Variants in PHKA1 observed in about 807,000 individuals in gnomAD.
PHKA1 encodes the protein phosphorylase b kinase regulatory subunit alpha, skeletal muscle isoform.
PHKA1 carries 60 observed loss-of-function variants against 110.2 expected under a neutral mutation model. That is an observed-to-expected ratio of 0.54 (90% CI 0.44 to 0.68). PHKA1 has a LOEUF of 0.68. Ranked by LOEUF, PHKA1 falls within the 30% of genes least tolerant of loss-of-function variation. The pLI is 0.00. For missense variants in PHKA1, 801 were observed against 942.5 expected, an observed-to-expected ratio of 0.85 and a Z score of 1.97; for synonymous variants, 316 against 333.6, an observed-to-expected ratio of 0.95 and a Z score of 0.58.
chrX:72,705,137 A>T (rs782504325), intron 3 of PHKA1, 61 bp downstream of exon 3: 1 of 840,009 alleles, frequency 1.2e-6, no homozygotes, highest in Admixed American at 2.3e-5. Flanking sequence ...CATTCCCTAA[A>T]GGGTAGAGAT....
chrX:72,657,728 T>C lies in PHKA1; in HGVS notation c.865-87A>G. 8.5e-6 allele frequency: 6 copies of C among 709,410 alleles called. No homozygotes were observed. The Admixed American group carries it at 1.2e-4, about 14-fold the overall frequency. 58.5% of individuals were successfully genotyped at this position (709,410 alleles called of 1,213,427 possible). A position where few individuals can be genotyped will look rare whatever the true frequency, so the allele number is the denominator to read the frequency against. ...GAAATACATCCTTGCAACATCTATA[T>C]GTACCACCAACCTATCACCGATAAA... On this transcript the variant is annotated intron_variant, in intron 8 of 31. Coordinates refer to ENST00000373542, the MANE Select transcript of PHKA1 (RefSeq NM_002637.4).
At position 72,695,571 on chromosome X, in the gene PHKA1, A is replaced by G; in HGVS notation, c.454+137T>C. ...CTTCTTTGCCATCTCATGATATCTG[A>G]GAATTAATAAATAATAAAAAATACC... is the stretch of plus-strand genomic sequence containing the variant. On this transcript the variant is annotated intron_variant, in intron 4 of 31. Transcript: ENST00000373542. The G allele has an allele frequency of 5.0e-6, 3 of 598,603 alleles. No individual in the cohort carries two copies. The South Asian group carries it at 8.0e-5, about 16-fold the overall frequency. The allele number at this position is 598,603 out of a possible 1,213,427, so 49.3% of individuals were successfully genotyped here.
chrX:72,682,716 C>A (rs1278772277), intron 5 of PHKA1, among the ~76,000 whole-genome samples: 3 of 89,758 alleles, frequency 3.3e-5, no homozygotes, highest in Non-Finnish European at 6.6e-5. Flanking sequence ...TAAACAGATG[C>A]TTGAAGGCAG....
intron 28 of PHKA1, among the ~76,000 whole-genome samples, chrX:72,598,460 G>A (rs1235876873): frequency 9.0e-6 from 1 of 111,466 alleles, no homozygotes; most frequent in African/African-American, 3.3e-5. Context: ...TTCAGAATGC[G>A]ACACATAGTT....
chrX:72,587,721 T>C (rs2052454227), intron 29 of PHKA1, among the ~76,000 whole-genome samples: 2 of 110,537 alleles, frequency 1.8e-5, no homozygotes, highest in African/African-American at 6.6e-5. Flanking sequence ...AGGCTCAAAA[T>C]AAAGGGATAG....
intron 29 of PHKA1, among the ~76,000 whole-genome samples, chrX:72,589,433 T>C (rs906604575): frequency 7.2e-5 from 8 of 111,680 alleles, no homozygotes; most frequent in Non-Finnish European, 1.5e-4. Flanking sequence ...TATCTCAAAA[T>C]AATAAGAGCT....
intron 23 of PHKA1, 120 bp from the exon 24 acceptor site, chrX:72,605,739 A>G: frequency 1.8e-6 from 1 of 549,042 alleles, no homozygotes; most frequent in South Asian, 2.6e-5. Context: ...CATCATTACC[A>G]ATAGCATTCT....
intron 22 of PHKA1, 57 bp downstream of exon 22, chrX:72,610,971 C>A (rs782368511): frequency 1.0e-6 from 1 of 1,001,538 alleles, no homozygotes; most frequent in Admixed American, 2.3e-5. Flanking sequence ...TTATAGAAAC[C>A]AATTTTTAAA....
intron 7 of PHKA1, 56 bp from the exon 8 acceptor site, chrX:72,666,353 C>G: frequency 2.0e-6 from 2 of 997,799 alleles, no homozygotes; most frequent in Non-Finnish European, 2.8e-6. Context: ...TCCCTTTACC[C>G]CAATATCTTA....
At position 72,603,718 on chromosome X, in the gene PHKA1, T is replaced by C. The variant is rs781941178; in HGVS notation, c.2816-498A>G. On this transcript the variant is annotated intron_variant, in intron 25 of 31. Coordinates refer to ENST00000373542, the MANE Select transcript of PHKA1 (RefSeq NM_002637.4). Reference sequence around the variant, plus strand: ...ACACATTTATTAAAAGTAGACTACATGCAGGTCATCATTTTAAGTAACATT... The same window carrying C: ...ACACATTTATTAAAAGTAGACTACACGCAGGTCATCATTTTAAGTAACATT... Among the ~76,000 whole-genome samples the C allele has an allele frequency of 8.1e-5, 9 of 111,586 alleles. No individual in the cohort carries two copies. The East Asian group carries it at 1.7e-3, about 21-fold the overall frequency.
chrX:72,665,634 T>A (rs782299665), intron 8 of PHKA1, among the ~76,000 whole-genome samples: 3 of 111,876 alleles, frequency 2.7e-5, no homozygotes, highest in Non-Finnish European at 3.8e-5. Flanking sequence ...CTCAACAAAA[T>A]ACTGTCAAAA....
intron 18 of PHKA1, chrX:72,622,058 C>G (rs1682935768): frequency 1.3e-6 from 1 of 743,885 alleles, no homozygotes; most frequent in African/African-American, 2.3e-5. Flanking sequence ...TATTTTATGC[C>G]AAGACATCAT....
Position 72,712,856 on chromosome X carries a change from C to G in PHKA1, c.160G>C (p.Val54Leu). The G allele has an allele frequency of 8.3e-7, 1 of 1,210,608 alleles. No homozygotes were observed. Among genetic ancestry groups the G allele is most frequent in the Non-Finnish European group, 1.1e-6 (1 of 894,469 alleles). The change falls in exon 2 of 32, where the codon GTG becomes CTG. Residue 54 changes from valine to leucine, a missense_variant. This residue lies in a region of PHKA1 where 299 missense variants were observed against 423.3 expected (regional missense o/e 0.71). Coordinates refer to ENST00000373542, the MANE Select transcript of PHKA1 (RefSeq NM_002637.4). ...VRDNVYSILA[V>L]WGLGLAYRKN... ...CGATAGGCCAGGCCCAAACCCCACA[C>G]AGCCAAGATGCTGTACACATTATCT...
intron 16 of PHKA1, among the ~76,000 whole-genome samples, chrX:72,627,953 G>A (rs985885212): frequency 3.7e-5 from 4 of 108,555 alleles, no homozygotes; most frequent in African/African-American, 1.3e-4. Context: ...GAGTAGCTGG[G>A]ACTACAGGCG....
In PHKA1 at chrX:72,638,425, AT is replaced by A. The variant is rs1304426682; in HGVS notation, c.1460-2040del. Among the ~76,000 whole-genome samples the A allele has an allele frequency of 8.5e-5, 9 of 105,763 alleles. No individual in the cohort carries two copies. The East Asian group carries it at 8.8e-4, about 10-fold the overall frequency. The allele number at this position is 105,763 out of a possible 115,157, so 91.8% of individuals were successfully genotyped here. ...GAATAGAAGTCTGGGTGTCTGTTTT[AT>A]TTTTTTCTTTTGTCTTTTATTAATT... On this transcript the variant is annotated intron_variant, in intron 14 of 31. Transcript: ENST00000373542.
chrX:72,709,217 CA>C (rs1362683617), intron 2 of PHKA1, among the ~76,000 whole-genome samples: 1 of 110,682 alleles, frequency 9.0e-6, no homozygotes, highest in Non-Finnish European at 1.9e-5. Flanking sequence ...AAACTTAGCA[CA>C]AAGAACTGGA....
Position 72,707,492 on chromosome X carries a change from C to T in PHKA1, c.238-2247G>A, listed in dbSNP as rs915265630. ...TACTTGCTTATATATCTGTCTCCCC[C>T]ATCAGACAATGAACTCCCTGAGAAA... On this transcript the variant is annotated intron_variant, in intron 2 of 31. Transcript: ENST00000373542. 1.4e-4 allele frequency among the ~76,000 whole-genome samples: 15 copies of T among 110,707 alleles called. 1 individual carries two copies. The highest frequency in any genetic ancestry group is 1.9e-4 in the Non-Finnish European group (10 of 53,145).
intron 8 of PHKA1, among the ~76,000 whole-genome samples, chrX:72,664,912 CA>C (rs1233241096): frequency 9.0e-6 from 1 of 110,649 alleles, no homozygotes; most frequent in Non-Finnish European, 1.9e-5. Context: ...TGGGATACAG[CA>C]AAAGCAGTAC....
chrX:72,625,754 C>T (rs1189849964), intron 17 of PHKA1, among the ~76,000 whole-genome samples: 1 of 111,623 alleles, frequency 9.0e-6, no homozygotes, highest in Non-Finnish European at 1.9e-5. Flanking sequence ...CAACTTCCGC[C>T]TCCCAGGTTC....
Sources: allele counts gnomAD v4.1 joint callset (sites outside exome capture counted in the v4.1 genomes callset), GRCh38; gene constraint gnomAD v4.1.1; regional missense constraint gnomAD v4.1.1; transcripts MANE v1.5; gene names NCBI Gene and HGNC (gene_info 2026-07-23, HGNC 2026-07-21).